PAK3: variants seen among roughly 807,000 people sequenced by gnomAD.
PAK3 encodes p21 (RAC1) activated kinase 3, also known as serine/threonine-protein kinase PAK 3.
PAK3 carries 4 observed loss-of-function variants against 41.0 expected under a neutral mutation model. The ratio of observed to expected loss-of-function variants is 0.10; its 90% confidence interval spans 0.05 to 0.22. PAK3 has a LOEUF of 0.22. Among genes scored for constraint, PAK3 ranks in the 10% least tolerant of loss-of-function variants. The probability of loss-of-function intolerance (pLI) is 1.00; values close to 1 mark genes in which losing one functional copy is unlikely to be tolerated. For synonymous variants in PAK3, 146 were observed against 139.6 expected (o/e 1.05, Z -0.32); for missense variants, 205 against 409.9 (o/e 0.50, Z 4.32).
At chrX:110,981,443 A>T (rs1370264478) in intron 1 of PAK3, among the ~76,000 whole-genome samples, 1 of 111,729 alleles carries the variant, frequency 9.0e-6, no homozygotes, top group African/African-American at 3.3e-5. Flanking sequence ...AATTGTGGTT[A>T]TGTAAGAGAA....
chrX:111,053,005 C>G (rs1194124213), intron 1 of PAK3, among the ~76,000 whole-genome samples: 1 of 112,102 alleles, frequency 8.9e-6, no homozygotes, highest in Non-Finnish European at 1.9e-5. Flanking sequence ...TTGATAGACG[C>G]ACAGCACAAG....
chrX:111,031,162 G>C (rs2148749785), intron 1 of PAK3, among the ~76,000 whole-genome samples: 1 of 112,156 alleles, frequency 8.9e-6, no homozygotes, highest in African/African-American at 3.2e-5. Context: ...TCCTATGTTT[G>C]GGGAGGTCAC....
chrX:110,964,642 T>C (rs1043835430), intron 1 of PAK3, among the ~76,000 whole-genome samples: 1 of 112,064 alleles, frequency 8.9e-6, no homozygotes, highest in Non-Finnish European at 1.9e-5. Context: ...AATGAGAACA[T>C]TGTGAGTAGT....
intron 1 of PAK3, among the ~76,000 whole-genome samples, chrX:111,091,174 T>C (rs1239776315): frequency 9.0e-6 from 1 of 111,252 alleles, no homozygotes; most frequent in African/African-American, 3.3e-5. Context: ...AACTCCCTGG[T>C]GGAAGGGAAC....
chrX:111,201,505 C>T (rs1284041846), intron 16 of PAK3, among the ~76,000 whole-genome samples: 1 of 111,484 alleles, frequency 9.0e-6, no homozygotes, highest in African/African-American at 3.3e-5. Flanking sequence ...TCCAACACTA[C>T]AACACATCCA....
chrX:110,992,821 G>A (rs1001778389), intron 1 of PAK3, among the ~76,000 whole-genome samples: 1 of 111,334 alleles, frequency 9.0e-6, no homozygotes, highest in African/African-American at 3.3e-5. Context: ...CAGTAGTCCT[G>A]GTTCTATCAC....
Position 111,077,024 on chromosome X carries a change from C to A in PAK3, c.-27-46053C>A, listed in dbSNP as rs191065189. On this transcript the variant is annotated intron_variant, in intron 1 of 14. Transcript: ENST00000425146. Reference sequence around the variant, plus strand: ...ACACTAATAATGAACTATCCCCCCCCAAAAAATCAAGAAAACAGTCTCTTT... The same window carrying A: ...ACACTAATAATGAACTATCCCCCCCAAAAAAATCAAGAAAACAGTCTCTTT... Among the ~76,000 whole-genome samples, 468 of 110,981 alleles carry A rather than the reference C, an allele frequency of 4.2e-3. 1 individual carries two copies. Among genetic ancestry groups the A allele is most frequent in the Admixed American group, 0.011 (110 of 10,436 alleles).
intron 11 of PAK3, among the ~76,000 whole-genome samples, chrX:111,176,384 A>T (rs1174254682): frequency 9.0e-6 from 1 of 110,812 alleles, no homozygotes; most frequent in Admixed American, 9.7e-5. Context: ...TAGCCAATGC[A>T]TGCGGGGCTT....
At chrX:111,175,011 A>G (rs974323484) in intron 11 of PAK3, among the ~76,000 whole-genome samples, 1 of 111,717 alleles carries the variant, frequency 9.0e-6, no homozygotes, top group African/African-American at 3.2e-5. Flanking sequence ...TCCCAAGTCT[A>G]TATACAGACC....
Position 111,211,735 on chromosome X carries a change from C to T in PAK3, c.1408-4686C>T, listed in dbSNP as rs139289223. On this transcript the variant is annotated intron_variant, in intron 16 of 17. Coordinates refer to ENST00000372007, the MANE Select transcript of PAK3 (RefSeq NM_002578.5). ...TGGGGAGAGTCTTAGAGTATCTCCT[C>T]CTCTTTCTCCCTGTTCTTTTCCCTC... 1.7e-3 allele frequency among the ~76,000 whole-genome samples: 184 copies of T among 109,824 alleles called. 2 individuals carry two copies. The highest frequency in any genetic ancestry group is 2.5e-3 in the Non-Finnish European group (134 of 52,745).
At chrX:111,157,274 C>G (rs777944580) in intron 8 of PAK3, among the ~76,000 whole-genome samples, 11 of 111,551 alleles carry the variant, frequency 9.9e-5, no homozygotes, top group Non-Finnish European at 1.9e-4. Context: ...TTCCTTACTT[C>G]TAAGTTCTTT....
chrX:110,982,159 AG>A (rs780044257), intron 1 of PAK3, among the ~76,000 whole-genome samples: 43 of 111,866 alleles, frequency 3.8e-4, no homozygotes, highest in African/African-American at 1.4e-3. Flanking sequence ...CTGCAGCCAG[AG>A]GTTTGGGAGG....
chrX:111,167,421 A>T (rs1230088731), intron 10 of PAK3, among the ~76,000 whole-genome samples: 1 of 111,197 alleles, frequency 9.0e-6, no homozygotes, highest in Non-Finnish European at 1.9e-5. Flanking sequence ...CTTCAGTGTC[A>T]GGGGTCCAGT....
chrX:110,961,635 C>T (rs2090979779), intron 1 of PAK3, among the ~76,000 whole-genome samples: 1 of 111,732 alleles, frequency 8.9e-6, no homozygotes, highest in African/African-American at 3.3e-5. Context: ...TAAAAACCTT[C>T]TCTTCACCTC....
intron 6 of PAK3, chrX:111,144,780 G>A: frequency 1.9e-6 from 1 of 538,289 alleles, no homozygotes; most frequent in South Asian, 3.7e-5. Context: ...CTAAAAGTAG[G>A]TTGGGAGGTG....
chrX:111,222,040 A>G lies in PAK3; in HGVS notation c.*1593A>G, dbSNP rs1000957265. ...GCGGAGTGTCTGTGTAGAAAAGGATATGCCTCTCTTTTGAGTGTATTGACA... is the reference window on the plus strand; with the variant it reads ...GCGGAGTGTCTGTGTAGAAAAGGATGTGCCTCTCTTTTGAGTGTATTGACA... On this transcript the variant is annotated 3_prime_UTR_variant, in exon 18 of 18. Transcript: ENST00000372007. The G allele has an allele frequency of 8.9e-6, 1 of 112,126 alleles. No homozygotes were observed. Among genetic ancestry groups the G allele is most frequent in the Non-Finnish European group, 1.9e-5 (1 of 53,172 alleles). 9.2% of individuals were successfully genotyped at this position (112,126 alleles called of 1,213,427 possible). A position where few individuals can be genotyped will look rare whatever the true frequency, so the allele number is the denominator to read the frequency against.
intron 1 of PAK3, among the ~76,000 whole-genome samples, chrX:110,974,525 A>G (rs1344827746): frequency 1.8e-5 from 2 of 111,870 alleles, no homozygotes; most frequent in Non-Finnish European, 1.9e-5. Context: ...AAATTCTACC[A>G]GAGGTTCAAA....
chrX:111,027,389 A>G (rs758267773), intron 1 of PAK3, among the ~76,000 whole-genome samples: 1 of 112,215 alleles, frequency 8.9e-6, no homozygotes, highest in African/African-American at 3.2e-5. Context: ...CAACCCACAG[A>G]GTGGGAGAAA....
chrX:111,021,615 G>A (rs1233025810), intron 1 of PAK3, among the ~76,000 whole-genome samples: 1 of 110,508 alleles, frequency 9.0e-6, no homozygotes, highest in African/African-American at 3.3e-5. Flanking sequence ...ACAAAACAAG[G>A]TTCTTTAACA....
Sources: allele counts gnomAD v4.1 joint callset (sites outside exome capture counted in the v4.1 genomes callset), GRCh38; gene constraint gnomAD v4.1.1; transcripts MANE v1.5; gene names NCBI Gene and HGNC (gene_info 2026-07-23, HGNC 2026-07-21).